TMPRSS2: variants seen among roughly 807,000 people sequenced by gnomAD.
The protein encoded by TMPRSS2 is transmembrane serine protease 2.
Under a neutral mutation model 67.4 loss-of-function variants are expected in TMPRSS2, and 59 were observed. The ratio of observed to expected loss-of-function variants is 0.88; its 90% CI spans 0.71 to 1.09. The LOEUF (loss-of-function observed/expected upper bound fraction) is 1.09. Ranked by LOEUF, TMPRSS2 falls within the 50% of genes least tolerant of loss-of-function variation. The probability of loss-of-function intolerance (pLI) is 0.00; values close to 1 mark genes in which losing one functional copy is unlikely to be tolerated. For synonymous variants in TMPRSS2, 257 were observed against 257.0 expected (o/e 1.00, Z 0.00); for missense variants, 668 against 642.7 (o/e 1.04, Z -0.43).
At position 41,508,078 on chromosome 21, in the gene TMPRSS2, C is replaced by T; in HGVS notation, c.-57+3G>A. ...CCGGGACCCTGGTACCGGCGCCGCT[C>T]ACCTGCCGCGCTCCAGGCGGCGCTC... On this transcript the variant is annotated splice_donor_region_variant and intron_variant, in intron 1 of 13. Coordinates refer to ENST00000332149, the MANE Select transcript of TMPRSS2 (RefSeq NM_005656.4). 3.9e-6 allele frequency: 5 copies of T among 1,272,154 alleles called. No individual in the cohort carries two copies. Among genetic ancestry groups the T allele is most frequent in the Non-Finnish European group, 4.0e-6 (4 of 1,002,344 alleles). 78.8% of individuals were successfully genotyped at this position (1,272,154 alleles called of 1,614,324 possible).
In TMPRSS2 at chr21:41,489,505, A is replaced by C; in HGVS notation, c.325+2T>G. ...GGTGGGATCGAGGCTCCCTGCACTT[A>C]CTGAACTTCCAGAGTAGGCCAGCGG... On this transcript the variant is annotated splice_donor_variant, in intron 4 of 13. Coordinates refer to ENST00000332149, the MANE Select transcript of TMPRSS2 (RefSeq NM_005656.4). LOFTEE classifies it high-confidence loss of function. 1 of 1,613,944 alleles carries C rather than the reference A, an allele frequency of 6.2e-7. No individual in the cohort carries two copies. The highest frequency in any genetic ancestry group is 8.5e-7 in the Non-Finnish European group (1 of 1,179,876).
At chr21:41,484,436 C>T (rs750307515) in intron 5 of TMPRSS2, among the ~76,000 whole-genome samples, 2 of 152,082 alleles carry the variant, frequency 1.3e-5, no homozygotes, top group Non-Finnish European at 2.9e-5. Context: ...GGGAAGAAAG[C>T]GCTACACACA....
At chr21:41,473,746 G>T (rs1287669367) in intron 8 of TMPRSS2, among the ~76,000 whole-genome samples, 1 of 151,372 alleles carries the variant, frequency 6.6e-6, no homozygotes, top group African/African-American at 2.4e-5. Flanking sequence ...CCGGGACCCA[G>T]GTGGGGGTGT....
intron 5 of TMPRSS2, among the ~76,000 whole-genome samples, chr21:41,485,081 CGTGTGTGTGTGTGT>C (rs10668560): frequency 7.1e-6 from 1 of 140,362 alleles, no homozygotes; most frequent in African/African-American, 2.7e-5. Flanking sequence ...GGGAGTGATG[CGTGTGTGTGTGTGT>C]GTGTGTGTGT....
chr21:41,465,851 G>T lies in TMPRSS2; in HGVS notation c.*291C>A. The stretch of plus-strand genomic sequence containing the variant: ...ATTGGCCCCTGGAAAGGACTCAGCA[G>T]GAAGATCTCAATGGGGCAGCCTCCA... On this transcript the variant is annotated 3_prime_UTR_variant, in exon 14 of 14. Coordinates refer to ENST00000332149, the MANE Select transcript of TMPRSS2 (RefSeq NM_005656.4). 2.1e-6 allele frequency: 1 copy of T among 467,528 alleles called. No individual in the cohort carries two copies. 29.0% of individuals were successfully genotyped at this position (467,528 alleles called of 1,614,324 possible).
chr21:41,493,767 G>C (rs1320806861), intron 3 of TMPRSS2, among the ~76,000 whole-genome samples: 1 of 152,196 alleles, frequency 6.6e-6, no homozygotes, highest in African/African-American at 2.4e-5. Context: ...GTGAGGAAGA[G>C]GAGGGACTGA....
chr21:41,492,799 C>T (rs2091347999), intron 3 of TMPRSS2, among the ~76,000 whole-genome samples: 1 of 152,216 alleles, frequency 6.6e-6, no homozygotes, highest in Non-Finnish European at 1.5e-5. Flanking sequence ...GGTTCGTCTG[C>T]CTTCCTGGGT....
rs572265353 is a variant in TMPRSS2 at position 41,466,942 on chromosome 21, C to A, written c.1468-789G>T. Among the ~76,000 whole-genome samples, 10 of 152,242 alleles carry A rather than the reference C, an allele frequency of 6.6e-5. No homozygotes were observed. The South Asian group carries it at 1.7e-3, about 25-fold the overall frequency. The stretch of plus-strand genomic sequence containing the variant: ...GACATCCATGAGGCTCACATGGAAC[C>A]CCTGAGACCTTCCCTCGTGCTTGAG... On this transcript the variant is annotated intron_variant, in intron 13 of 13. Coordinates refer to ENST00000332149, the MANE Select transcript of TMPRSS2 (RefSeq NM_005656.4).
intron 2 of TMPRSS2, among the ~76,000 whole-genome samples, chr21:41,497,621 G>A (rs1325480391): frequency 6.6e-6 from 1 of 152,182 alleles, no homozygotes; most frequent in Non-Finnish European, 1.5e-5. Flanking sequence ...CTTATTTTAG[G>A]TATAAGGCAA....
intron 11 of TMPRSS2, among the ~76,000 whole-genome samples, chr21:41,469,742 C>T (rs912400835): frequency 6.6e-6 from 1 of 151,860 alleles, no homozygotes; most frequent in African/African-American, 2.4e-5. Context: ...CCTGCCCCGT[C>T]CCCACCACCG....
chr21:41,475,138 A>C, intron 8 of TMPRSS2, among the ~76,000 whole-genome samples: 1 of 5,918 alleles, frequency 1.7e-4, no homozygotes, highest in Admixed American at 2.1e-3. Flanking sequence ...TGAGTGAGGG[A>C]GTGAAGGCAT....
intron 1 of TMPRSS2, 21 bp from the exon 2 acceptor site, chr21:41,498,210 A>C: frequency 7.3e-6 from 11 of 1,503,984 alleles, no homozygotes; most frequent in South Asian, 1.1e-5. Flanking sequence ...GAATTACAGG[A>C]CTGTAATATT....
At chr21:41,489,625 C>T in intron 3 of TMPRSS2, 32 bp from the exon 4 acceptor site, 1 of 1,518,686 alleles carries the variant, frequency 6.6e-7, no homozygotes, top group South Asian at 1.1e-5. Context: ...AACGTTCAGA[C>T]CAGAGTTGTT....
chr21:41,471,070 G>A (rs1025506512), intron 10 of TMPRSS2, among the ~76,000 whole-genome samples: 2 of 152,250 alleles, frequency 1.3e-5, no homozygotes, highest in Non-Finnish European at 2.9e-5. Flanking sequence ...AGCCGATGGA[G>A]TCAATGGAGT....
At chr21:41,466,876 C>G (rs546913068) in intron 13 of TMPRSS2, among the ~76,000 whole-genome samples, 105 of 152,306 alleles carry the variant, frequency 6.9e-4, no homozygotes, top group Middle Eastern at 6.8e-3. Flanking sequence ...TTCTCACCCC[C>G]TATCTGGACA....
At chr21:41,476,513 G>C (rs969311749) in intron 8 of TMPRSS2, 64 bp downstream of exon 8, 2 of 1,529,430 alleles carry the variant, frequency 1.3e-6, no homozygotes, top group Non-Finnish European at 1.8e-6. Context: ...AGGGAGTACT[G>C]TTCTGAAAGT....
chr21:41,490,696 G>T (rs1306691934), intron 3 of TMPRSS2, among the ~76,000 whole-genome samples: 1 of 152,270 alleles, frequency 6.6e-6, no homozygotes, highest in Non-Finnish European at 1.5e-5. Flanking sequence ...TCAGAAGACA[G>T]CTACAGGTGC....
intron 11 of TMPRSS2, 71 bp downstream of exon 11, chr21:41,470,577 G>C: frequency 7.0e-7 from 1 of 1,423,132 alleles, no homozygotes; most frequent in Non-Finnish European, 9.7e-7. Context: ...TTAAAACCTG[G>C]ACCTCCCACT....
chr21:41,468,650 A>G, intron 11 of TMPRSS2, 112 bp from the exon 12 acceptor site: 4 of 1,302,760 alleles, frequency 3.1e-6, no homozygotes, highest in Non-Finnish European at 4.2e-6. Context: ...TCACAGCCCT[A>G]TTTTCCAGCC....
Sources: allele counts gnomAD v4.1 joint callset (sites outside exome capture counted in the v4.1 genomes callset), GRCh38; gene constraint gnomAD v4.1.1; transcripts MANE v1.5; gene names NCBI Gene and HGNC (gene_info 2026-07-23, HGNC 2026-07-21).